The following SPATA21 variants were observed in gnomAD, a reference collection of about 807,000 sequenced individuals.
SPATA21 encodes the protein spermatogenesis associated 21, also known as spermatogenesis-associated protein 21.
Under a neutral mutation model 54.8 loss-of-function variants are expected in SPATA21, and 47 were observed. The ratio of observed to expected loss-of-function variants is 0.86; its 90% CI spans 0.68 to 1.09. The LOEUF (loss-of-function observed/expected upper bound fraction) is 1.09, where lower values mean the gene tolerates loss of function less well. SPATA21 is among the 50% of genes least tolerant of loss of function. The pLI, the probability that SPATA21 is intolerant of heterozygous loss-of-function variation, is 0.00. For synonymous variants in SPATA21, 245 were observed against 235.3 expected (o/e 1.04, Z -0.38); for missense variants, 599 against 596.4 (o/e 1.00, Z -0.05).
rs138557096 is a variant in SPATA21, at chr1:16,400,838, C to G, written c.1056G>C (p.Ala352=). ...EGTCKAQEME[A]AVGRLRLQKL... ...TCTGCAACCGCAGCCGGCCTACGGC[C>G]GCTTCCATCTCCTGGGCCTTGCAGG... Residue 352 remains alanine, a synonymous_variant, in exon 11 of 13, where the codon GCG becomes GCC. Transcript: ENST00000335496. 6.2e-7 allele frequency: 1 copy of G among 1,614,098 alleles called. No individual in the cohort carries two copies. The highest frequency in any genetic ancestry group is 8.5e-7 in the Non-Finnish European group (1 of 1,180,042).
At chr1:16,414,706 C>A (rs916481397) in intron 5 of SPATA21, among the ~76,000 whole-genome samples, 1 of 151,248 alleles carries the variant, frequency 6.6e-6, no homozygotes, top group African/African-American at 2.4e-5. Flanking sequence ...ACCAGCCTGA[C>A]CAACATGGAG....
intron 5 of SPATA21, 21 bp from the exon 6 acceptor site, chr1:16,410,064 C>T (rs2085791687): frequency 1.3e-6 from 2 of 1,522,104 alleles, no homozygotes; most frequent in Non-Finnish European, 1.8e-6. Context: ...GGGAGGGGAT[C>T]CAGGAGGCCT....
chr1:16,402,171 G>T (rs2085467438), intron 10 of SPATA21, among the ~76,000 whole-genome samples: 1 of 151,784 alleles, frequency 6.6e-6, no homozygotes, highest in South Asian at 2.1e-4. Context: ...AAGCACCTGT[G>T]GGGCACCCTT....
Position 16,425,620 on chromosome 1 carries a change from C to T in SPATA21, c.35-3649G>A, listed in dbSNP as rs1177849112. 7 of 1,550,224 alleles carry T rather than the reference C, an allele frequency of 4.5e-6. No homozygotes were observed. In the East Asian group the frequency reaches 1.7e-4, roughly 38 times the overall value. On this transcript the variant is annotated intron_variant, in intron 3 of 12. Coordinates refer to ENST00000335496, the MANE Select transcript of SPATA21 (RefSeq NM_198546.1). Reference sequence around the variant, plus strand: ...CCTTTCCGGAGCCCAGCTGCTGCAGCCCTTCAGGTACTTCAGGAACCCAGG... The same window carrying T: ...CCTTTCCGGAGCCCAGCTGCTGCAGTCCTTCAGGTACTTCAGGAACCCAGG...
At chr1:16,436,096 C>CA (rs1159385394) in intron 1 of SPATA21, among the ~76,000 whole-genome samples, 1 of 151,692 alleles carries the variant, frequency 6.6e-6, no homozygotes, top group East Asian at 1.9e-4. Context: ...ACTAAAGATA[C>CA]AAAAAATTAG....
At chr1:16,400,599 T>C in intron 11 of SPATA21, 121 bp downstream of exon 11, 1 of 1,496,856 alleles carries the variant, frequency 6.7e-7, no homozygotes, top group Non-Finnish European at 8.9e-7. Flanking sequence ...AAGCCCGAAG[T>C]GGGAAACTGG....
chr1:16,401,766 G>A (rs1171225670), intron 10 of SPATA21, among the ~76,000 whole-genome samples: 1 of 152,008 alleles, frequency 6.6e-6, no homozygotes, highest in Non-Finnish European at 1.5e-5. Context: ...CCCGCTGGAG[G>A]CCCCCTGCAA....
chr1:16,423,950 G>C (rs1478482525), intron 3 of SPATA21, among the ~76,000 whole-genome samples: 1 of 151,882 alleles, frequency 6.6e-6, no homozygotes, highest in African/African-American at 2.4e-5. Context: ...CAAATCTATA[G>C]TGATAGTTGG....
intron 10 of SPATA21, among the ~76,000 whole-genome samples, chr1:16,402,759 G>A (rs2085495398): frequency 6.7e-6 from 1 of 149,520 alleles, no homozygotes; most frequent in South Asian, 2.3e-4. Context: ...GCTCATGCCT[G>A]TAATCCCAGC....
intron 10 of SPATA21, among the ~76,000 whole-genome samples, chr1:16,401,852 TACA>T (rs2085458292): frequency 6.6e-6 from 1 of 152,296 alleles, no homozygotes; most frequent in African/African-American, 2.4e-5. Context: ...CCCGCTAGAC[TACA>T]ACATCATTCA....
intron 10 of SPATA21, among the ~76,000 whole-genome samples, chr1:16,403,058 C>G (rs2085503950): frequency 6.6e-6 from 1 of 152,206 alleles, no homozygotes; most frequent in Non-Finnish European, 1.5e-5. Context: ...CTGGACTGTT[C>G]TGCCTTCGCC....
intron 3 of SPATA21, chr1:16,422,236 C>T (rs1489626487): frequency 3.6e-6 from 5 of 1,396,108 alleles, no homozygotes; most frequent in African/African-American, 1.5e-5. Flanking sequence ...GCTCCATCCT[C>T]GTTCCCAGGT....
chr1:16,396,139 A>G (rs1570060183), downstream of SPATA21: 1 of 152,662 alleles, frequency 6.6e-6, no homozygotes, highest in Non-Finnish European at 1.5e-5. Flanking sequence ...GTATTTTGCC[A>G]TCAGCACAAG....
chr1:16,406,980 G>A (rs1217098344), intron 7 of SPATA21, among the ~76,000 whole-genome samples: 3 of 152,244 alleles, frequency 2.0e-5, no homozygotes, highest in African/African-American at 7.2e-5. Flanking sequence ...GGCAGCCCGT[G>A]CTGACTGGGA....
At chr1:16,419,767 C>T (rs549111494) in intron 5 of SPATA21, among the ~76,000 whole-genome samples, 14 of 152,176 alleles carry the variant, frequency 9.2e-5, no homozygotes, top group African/African-American at 3.4e-4. Context: ...TGGTGAAACC[C>T]CATCTTTACT....
At chr1:16,398,856 C>A in intron 12 of SPATA21, 34 bp from the exon 13 acceptor site, 2 of 1,599,580 alleles carry the variant, frequency 1.3e-6, no homozygotes, top group South Asian at 1.1e-5. Flanking sequence ...GGGTGGGAGA[C>A]ATGTGGCCCT....
chr1:16,400,871 CTTCAGCT>C lies in SPATA21; in HGVS notation c.1016_1022del (p.Lys339ArgfsTer14). 5.6e-6 allele frequency: 9 copies of C among 1,612,950 alleles called. No individual in the cohort carries two copies. The highest frequency in any genetic ancestry group is 7.6e-6 in the Non-Finnish European group (9 of 1,179,548). On this transcript the variant is annotated frameshift_variant, in exon 11 of 13. Coordinates refer to ENST00000335496, the MANE Select transcript of SPATA21 (RefSeq NM_198546.1). LOFTEE classifies it high-confidence loss of function. ...TCTCCTGGGCCTTGCAGGTGCCTTC[CTTCAGCT>C]TTTTCTGGTAGTAGCTGGGGAGGCA...
chr1:16,412,271 G>A (rs977511348), intron 5 of SPATA21, among the ~76,000 whole-genome samples: 2 of 151,968 alleles, frequency 1.3e-5, no homozygotes, highest in African/African-American at 4.8e-5. Context: ...AATACCAGAT[G>A]TCCTCCTTGA....
chr1:16,416,662 C>T (rs1014270876), intron 5 of SPATA21, among the ~76,000 whole-genome samples: 4 of 139,914 alleles, frequency 2.9e-5, no homozygotes, highest in Non-Finnish European at 6.1e-5. Flanking sequence ...GCCTGGGCGA[C>T]AGAGAGAGAC....
Sources: gnomAD v4.1 joint callset for allele counts (sites outside exome capture counted in the v4.1 genomes callset) on GRCh38, gnomAD v4.1.1 for gene constraint, MANE v1.5 for transcripts, NCBI Gene and HGNC (gene_info 2026-07-23, HGNC 2026-07-21) for gene names.